The following CARMIL1 variants were observed in gnomAD, a reference collection of about 807,000 sequenced individuals.
CARMIL1 encodes F-actin-uncapping protein LRRC16A.
Under a neutral mutation model 177.1 loss-of-function variants are expected in CARMIL1, and 90 were observed. That is an observed-to-expected ratio of 0.51 (90% CI 0.43 to 0.61). The LOEUF is 0.61. Among genes scored for constraint, CARMIL1 ranks in the 20% least tolerant of loss-of-function variants. The pLI, the probability that CARMIL1 is intolerant of heterozygous loss-of-function variation, is 0.00. For synonymous variants in CARMIL1, 577 were observed against 606.2 expected, an observed-to-expected ratio of 0.95 and a Z score of 0.71; for missense variants, 1,380 against 1,667.0, an observed-to-expected ratio of 0.83 and a Z score of 3.00.
intron 36 of CARMIL1, among the ~76,000 whole-genome samples, chr6:25,617,215 CAAG>C (rs1759346979): frequency 6.6e-6 from 1 of 152,136 alleles, no homozygotes; most frequent in Admixed American, 6.5e-5. Flanking sequence ...CTACTTTTTG[CAAG>C]AAGATTTCTA....
chr6:25,575,599 A>G (rs1812512109), intron 29 of CARMIL1, among the ~76,000 whole-genome samples: 1 of 152,164 alleles, frequency 6.6e-6, no homozygotes. Context: ...GTTTTGGGCA[A>G]TTCGGGAAAA....
intron 32 of CARMIL1, among the ~76,000 whole-genome samples, chr6:25,599,678 G>A (rs1038329484): frequency 1.3e-5 from 2 of 152,268 alleles, no homozygotes; most frequent in East Asian, 3.9e-4. Flanking sequence ...TGCAAGTGCC[G>A]ACAGCTTGGG....
At chr6:25,448,725 G>A (rs1291785871) in intron 5 of CARMIL1, among the ~76,000 whole-genome samples, 2 of 152,154 alleles carry the variant, frequency 1.3e-5, no homozygotes, top group Admixed American at 6.5e-5. Context: ...GAGGGCAGGG[G>A]CAGCATCTGT....
intron 2 of CARMIL1, among the ~76,000 whole-genome samples, chr6:25,290,936 G>C (rs1164586483): frequency 2.0e-5 from 3 of 152,064 alleles, no homozygotes; most frequent in Non-Finnish European, 2.9e-5. Context: ...GAGTAGCTGG[G>C]ACTACAGGCA....
intron 3 of CARMIL1, among the ~76,000 whole-genome samples, chr6:25,423,485 A>G (rs578019531): frequency 4.0e-4 from 61 of 152,318 alleles, no homozygotes; most frequent in African/African-American, 1.1e-3. Context: ...AAGGCTTAGC[A>G]GTTTGGAAGA....
intron 5 of CARMIL1, among the ~76,000 whole-genome samples, chr6:25,447,573 C>A (rs774616143): frequency 6.6e-6 from 1 of 152,102 alleles, no homozygotes; most frequent in African/African-American, 2.4e-5. Context: ...CTCTCACCCA[C>A]GTCCTGTCAT....
chr6:25,420,220 G>A, intron 3 of CARMIL1, 56 bp downstream of exon 3: 2 of 1,515,446 alleles, frequency 1.3e-6, no homozygotes, highest in East Asian at 4.5e-5. Flanking sequence ...ACCCACTCAT[G>A]CATAGTCACT....
At chr6:25,608,141 A>C (rs1350193035) in intron 35 of CARMIL1, among the ~76,000 whole-genome samples, 1 of 152,350 alleles carries the variant, frequency 6.6e-6, no homozygotes, top group South Asian at 2.1e-4. Flanking sequence ...TAGTTCTTAT[A>C]GAATGAATCT....
intron 2 of CARMIL1, among the ~76,000 whole-genome samples, chr6:25,307,839 A>G (rs1783395211): frequency 6.6e-6 from 1 of 152,180 alleles, no homozygotes; most frequent in East Asian, 1.9e-4. Flanking sequence ...CTCTTTTTTG[A>G]TAAATGAGGG....
chr6:25,389,366 T>TGG (rs35868119), intron 2 of CARMIL1, among the ~76,000 whole-genome samples: 2 of 151,734 alleles, frequency 1.3e-5, no homozygotes, highest in African/African-American at 2.4e-5. Flanking sequence ...TTTTGAGATT[T>TGG]GGGGGGGTCT....
At position 25,450,006 on chromosome 6, in the gene CARMIL1, A is replaced by G. The variant is rs372593247; in HGVS notation, c.469+11A>G. 15 of 1,587,858 alleles carry G rather than the reference A, an allele frequency of 9.4e-6. No homozygotes were observed. The highest frequency in any genetic ancestry group is 7.5e-5 in the Admixed American group (4 of 53,566). ...AGCAGGGCCCCTGTGGTGAGCATGC[A>G]TTTTAAAACTGAAATGTGAATAGCT... On this transcript the variant is annotated intron_variant, in intron 6 of 36. Coordinates refer to ENST00000329474, the MANE Select transcript of CARMIL1 (RefSeq NM_017640.6).
chr6:25,328,794 A>G (rs1785346207), intron 2 of CARMIL1, among the ~76,000 whole-genome samples: 1 of 151,990 alleles, frequency 6.6e-6, no homozygotes, highest in Admixed American at 6.5e-5. Context: ...ATATATAACT[A>G]TTATGTAGTC....
At chr6:25,308,613 C>T (rs893529993) in intron 2 of CARMIL1, among the ~76,000 whole-genome samples, 2 of 151,804 alleles carry the variant, frequency 1.3e-5, no homozygotes, top group African/African-American at 4.8e-5. Context: ...GAACTCCTGA[C>T]CTTGTGATCC....
chr6:25,538,225 C>T (rs1274380160), intron 25 of CARMIL1, among the ~76,000 whole-genome samples: 1 of 152,156 alleles, frequency 6.6e-6, no homozygotes, highest in East Asian at 1.9e-4. Context: ...GGGCCCTCAA[C>T]AACTGAGAGG....
chr6:25,434,237 C>CT lies in CARMIL1; in HGVS notation c.250-1242dup, dbSNP rs200991798. 7.2e-5 allele frequency among the ~76,000 whole-genome samples: 11 copies of CT among 151,860 alleles called. 1 individual carries two copies. The South Asian group carries it at 1.5e-3, about 20-fold the overall frequency. ...TTTTTGAGATTAAAGAAAATGGCAT[C>CT]TTTTATTTTTAGGTAGTTGAAGTTC... On this transcript the variant is annotated intron_variant, in intron 4 of 36. Transcript: ENST00000329474.
At chr6:25,309,135 G>A (rs996316585) in intron 2 of CARMIL1, among the ~76,000 whole-genome samples, 9 of 151,970 alleles carry the variant, frequency 5.9e-5, no homozygotes, top group Admixed American at 3.9e-4. Context: ...TGATCCTCCC[G>A]CCTAGGCCTC....
rs1472612488 is a variant in CARMIL1 at position 25,577,091 on chromosome 6, CTG to C, written c.2743-3831_2743-3830del. On this transcript the variant is annotated intron_variant, in intron 29 of 36. Transcript: ENST00000329474. The surrounding 1 kb of genome is among the most constrained non-coding windows in gnomAD (Gnocchi z 4.5). ...GCTGCCTGGCTGGTCTCCCAGGAGACTGTAGTGTTGTCATCCATCTGCAGATC... is the reference window on the plus strand; with the variant it reads ...GCTGCCTGGCTGGTCTCCCAGGAGACTAGTGTTGTCATCCATCTGCAGATC... 5 of 985,200 alleles carry C rather than the reference CTG, an allele frequency of 5.1e-6. No individual in the cohort carries two copies. The African/African-American group carries it at 8.7e-5, about 17-fold the overall frequency. The allele number at this position is 985,200 out of a possible 1,614,324, so 61.0% of individuals were successfully genotyped here. A position where few individuals can be genotyped will look rare whatever the true frequency, so the allele number is the denominator to read the frequency against.
rs377113881 is a variant in CARMIL1 at position 25,586,852 on chromosome 6, G to A, written c.3006+5413G>A. On this transcript the variant is annotated intron_variant, in intron 31 of 36. Coordinates refer to ENST00000329474, the MANE Select transcript of CARMIL1 (RefSeq NM_017640.6). ...GCCTGCAATCCCAGGCACTCGGCAG[G>A]CTGAGGCAGGAGAATCAGGCAGGGA... 1.6e-4 allele frequency among the ~76,000 whole-genome samples: 25 copies of A among 152,210 alleles called. 2 individuals are homozygous for A. The East Asian group carries it at 2.5e-3, about 15-fold the overall frequency.
Position 25,279,824 on chromosome 6 carries a change from G to A in CARMIL1, c.29G>A (p.Arg10Lys). The A allele has an allele frequency of 6.2e-7, 1 of 1,614,002 alleles. No homozygotes were observed. Among genetic ancestry groups the A allele is most frequent in the Non-Finnish European group, 8.5e-7 (1 of 1,179,898 alleles). MTEESSDVP[R>K]ELIESIKDVI... ...ACCGAGGAGAGCTCTGACGTTCCCA[G>A]GGAGTTGATAGGTAAGATTCACGCG... Residue 10 changes from arginine (R) to lysine (K), a missense_variant, in exon 1 of 37, where the codon AGG (arginine) becomes AAG (lysine). Transcript: ENST00000329474.
Sources: gnomAD v4.1 joint callset for allele counts (sites outside exome capture counted in the v4.1 genomes callset) on GRCh38, gnomAD v4.1.1 for gene constraint, Gnocchi (gnomAD v3.1) non-coding constraint, MANE v1.5 for transcripts, NCBI Gene and HGNC (gene_info 2026-07-23, HGNC 2026-07-21) for gene names.